The following CYP4F22 variants were observed in gnomAD, a reference collection of about 807,000 sequenced individuals.
The protein encoded by CYP4F22 is ultra-long-chain fatty acid omega-hydroxylase.
Under a neutral mutation model 60.4 loss-of-function variants are expected in CYP4F22, and 37 were observed. The observed-to-expected ratio is 0.61, with a 90% CI of 0.47 to 0.81. The LOEUF (loss-of-function observed/expected upper bound fraction) is 0.81. CYP4F22 is among the 30% of genes least tolerant of loss of function. The probability of loss-of-function intolerance (pLI) is 0.00; values close to 1 mark genes in which losing one functional copy is unlikely to be tolerated. For missense variants in CYP4F22, 655 were observed against 715.0 expected (o/e 0.92, Z 0.96); for synonymous variants, 258 against 280.5 (o/e 0.92, Z 0.80).
rs1419898673 is a variant in CYP4F22 at position 15,548,180 on chromosome 19, T to C, written c.1209T>C (p.Thr403=). Residue 403 remains threonine (T), a synonymous_variant, in exon 11 of 14, where the codon ACT becomes ACC. Coordinates refer to ENST00000269703, the MANE Select transcript of CYP4F22 (RefSeq NM_173483.4). ...KESLRQYPPV[T]LVSRQCTEDI... is the part of the protein sequence containing the mutation. ...GCCTGCGCCAGTACCCACCTGTCACTCTTGTCTCTCGCCAATGCACGGAGG... is the reference window on the plus strand; with the variant it reads ...GCCTGCGCCAGTACCCACCTGTCACCCTTGTCTCTCGCCAATGCACGGAGG... 3.1e-6 allele frequency: 5 copies of C among 1,613,978 alleles called. No individual in the cohort carries two copies. Among genetic ancestry groups the C allele is most frequent in the Non-Finnish European group, 4.2e-6 (5 of 1,180,036 alleles).
intron 10 of CYP4F22, among the ~76,000 whole-genome samples, chr19:15,546,551 T>C (rs995291364): frequency 6.6e-6 from 1 of 152,102 alleles, no homozygotes; most frequent in African/African-American, 2.4e-5. Context: ...GCCACTGCAC[T>C]CCTGCCTGGA....
chr19:15,509,904 C>CTTTCTTTCCTTCCTTCTTT (rs1555725971), intron 1 of CYP4F22, among the ~76,000 whole-genome samples: 1 of 86,696 alleles, frequency 1.2e-5, no homozygotes, highest in African/African-American at 4.1e-5. Flanking sequence ...TTCCTTCCTT[C>CTTTCTTTCCTTCCTTCTTT]CTTTCTTTCT....
In CYP4F22 at chr19:15,547,639, A is replaced by G. The variant is rs372535810; in HGVS notation, c.1137-469A>G. ...GGCGTTTGAGACCAGCCTGGCCAAC[A>G]TGGAGAAACCCTGTCTCTACTAAAA... is the stretch of plus-strand genomic sequence containing the variant. On this transcript the variant is annotated intron_variant, in intron 10 of 13. Transcript: ENST00000269703. Among the ~76,000 whole-genome samples, 60 of 152,130 alleles carry G rather than the reference A, an allele frequency of 3.9e-4. No individual in the cohort carries two copies. The East Asian group carries it at 6.6e-3, about 17-fold the overall frequency.
chr19:15,550,156 C>T (rs959743972), intron 12 of CYP4F22, among the ~76,000 whole-genome samples: 2 of 151,964 alleles, frequency 1.3e-5, no homozygotes, highest in Non-Finnish European at 2.9e-5. Context: ...GTCTTGAACT[C>T]CTGAGCTCAG....
At position 15,519,465 on chromosome 19, in the gene CYP4F22, G is replaced by T. The variant is rs191190590; in HGVS notation, c.-108-4228G>T. ...TTTAGTAGAGATGGGGTTTTGCCGT[G>T]TTGGCCAGGCTGGTCTCGAACTCCT... On this transcript the variant is annotated intron_variant, in intron 1 of 13. Transcript: ENST00000269703. Among the ~76,000 whole-genome samples the T allele has an allele frequency of 4.7e-3, 711 of 152,192 alleles. 3 individuals are homozygous for T. The highest frequency in any genetic ancestry group is 7.3e-3 in the Non-Finnish European group (499 of 68,010).
At chr19:15,548,561 A>G (rs1317255512) in intron 11 of CYP4F22, among the ~76,000 whole-genome samples, 1 of 152,044 alleles carries the variant, frequency 6.6e-6, no homozygotes, top group Non-Finnish European at 1.5e-5. Context: ...GATACAGGGG[A>G]CCCTGGCTCA....
chr19:15,544,649 G>A (rs1335724392), intron 10 of CYP4F22, among the ~76,000 whole-genome samples: 1 of 152,182 alleles, frequency 6.6e-6, no homozygotes, highest in Non-Finnish European at 1.5e-5. Context: ...TCAAAACTAA[G>A]AGCTGGGTTC....
At chr19:15,524,952 TC>T (rs1393204538) in intron 2 of CYP4F22, among the ~76,000 whole-genome samples, 1 of 152,168 alleles carries the variant, frequency 6.6e-6, no homozygotes, top group Non-Finnish European at 1.5e-5. Context: ...GGAACCTATA[TC>T]TCAGGGTCAT....
intron 4 of CYP4F22, 65 bp downstream of exon 4, chr19:15,529,918 A>T: frequency 5.0e-6 from 8 of 1,607,364 alleles, no homozygotes; most frequent in Non-Finnish European, 6.8e-6. Flanking sequence ...CTGAGATTCT[A>T]GGCAGGTGGG....
At chr19:15,538,836 A>G (rs1349395673) in intron 7 of CYP4F22, among the ~76,000 whole-genome samples, 2 of 152,214 alleles carry the variant, frequency 1.3e-5, no homozygotes, top group Non-Finnish European at 2.9e-5. Flanking sequence ...TGGGAACACC[A>G]TATTCAACAA....
At chr19:15,547,996 G>GGGA (rs1971548949) in intron 10 of CYP4F22, 112 bp from the exon 11 acceptor site, 3 of 120,336 alleles carry the variant, frequency 2.5e-5, no homozygotes, top group Non-Finnish European at 2.7e-5. Flanking sequence ...AGAGAGAGAG[G>GGGA]GAGAGAGTGT....
At chr19:15,512,506 A>T (rs1971103845) in intron 1 of CYP4F22, among the ~76,000 whole-genome samples, 1 of 151,906 alleles carries the variant, frequency 6.6e-6, no homozygotes, top group South Asian at 2.1e-4. Context: ...GGGTTTCATC[A>T]TGTTGCCCAG....
intron 10 of CYP4F22, among the ~76,000 whole-genome samples, chr19:15,545,415 AG>A (rs1568363078): frequency 6.6e-6 from 1 of 151,930 alleles, no homozygotes; most frequent in Non-Finnish European, 1.5e-5. Flanking sequence ...TGGGAGGCCG[AG>A]GGGGGTGGAT....
chr19:15,516,792 T>C, intron 1 of CYP4F22: 1 of 586,004 alleles, frequency 1.7e-6, no homozygotes, highest in South Asian at 2.9e-5. Flanking sequence ...TCAGAGGATC[T>C]CATGAGAGGT....
chr19:15,511,497 C>T (rs188276695), intron 1 of CYP4F22, among the ~76,000 whole-genome samples: 56 of 152,146 alleles, frequency 3.7e-4, no homozygotes, highest in African/African-American at 1.3e-3. Flanking sequence ...AACAAAACAA[C>T]TTAGAAGTCC....
At chr19:15,517,402 C>T (rs139982850) in intron 1 of CYP4F22, among the ~76,000 whole-genome samples, 172 of 152,276 alleles carry the variant, frequency 1.1e-3, no homozygotes, top group African/African-American at 3.9e-3. Context: ...GTTGTTTGTC[C>T]TGGGAAGGAC....
chr19:15,540,048 C>T (rs532717250), intron 7 of CYP4F22, among the ~76,000 whole-genome samples: 1 of 152,288 alleles, frequency 6.6e-6, no homozygotes, highest in East Asian at 1.9e-4. Flanking sequence ...AATATTTTCT[C>T]CCATGCTGAG....
At chr19:15,515,769 G>C (rs1971146907) in intron 1 of CYP4F22, among the ~76,000 whole-genome samples, 1 of 151,816 alleles carries the variant, frequency 6.6e-6, no homozygotes, top group South Asian at 2.1e-4. Context: ...TGTCACCCAG[G>C]CTGGAGGGCA....
At chr19:15,530,518 G>A (rs1455741344) in intron 4 of CYP4F22, among the ~76,000 whole-genome samples, 1 of 152,142 alleles carries the variant, frequency 6.6e-6, no homozygotes, top group Non-Finnish European at 1.5e-5. Flanking sequence ...GTGGCCTTGT[G>A]TACCTGGTGT....
Sources: allele counts gnomAD v4.1 joint callset (sites outside exome capture counted in the v4.1 genomes callset), GRCh38; gene constraint gnomAD v4.1.1; transcripts MANE v1.5; gene names NCBI Gene and HGNC (gene_info 2026-07-23, HGNC 2026-07-21).